The following MAX variants were observed in gnomAD, a reference collection of about 807,000 sequenced individuals.
MAX encodes protein max.
In MAX, 3 loss-of-function variants were observed where a neutral mutation model predicts 22.3. That is an observed-to-expected ratio of 0.13 (90% confidence interval 0.06 to 0.35). The LOEUF (loss-of-function observed/expected upper bound fraction) is 0.35, where lower values mean the gene tolerates loss of function less well. Ranked by LOEUF, MAX falls within the 10% of genes least tolerant of loss-of-function variation. The pLI is 1.00. For synonymous variants in MAX, 72 were observed against 77.7 expected (o/e 0.93, Z 0.39); for missense variants, 119 against 209.4 (o/e 0.57, Z 2.66).
chr14:65,095,649 G>A (rs1358588524), intron 2 of MAX, among the ~76,000 whole-genome samples: 1 of 152,092 alleles, frequency 6.6e-6, no homozygotes. Flanking sequence ...TGCGGCTCCT[G>A]TTTGCTATAT....
intron 3 of MAX, chr14:65,090,233 T>C (rs926400232): frequency 6.6e-6 from 1 of 152,138 alleles, no homozygotes; most frequent in Non-Finnish European, 1.5e-5. Flanking sequence ...TACAAGTATT[T>C]AAGCAAGATT....
At chr14:65,068,133 T>A (rs1218540441) in intron 3 of MAX, among the ~76,000 whole-genome samples, 2 of 152,194 alleles carry the variant, frequency 1.3e-5, no homozygotes, top group Non-Finnish European at 2.9e-5. Flanking sequence ...AGGTAGCTAC[T>A]ATATGCAGTC....
At chr14:65,036,102 G>T (rs2062185240) in intron 3 of MAX, among the ~76,000 whole-genome samples, 1 of 152,044 alleles carries the variant, frequency 6.6e-6, no homozygotes, top group Non-Finnish European at 1.5e-5. Flanking sequence ...CAAAGTGTTG[G>T]AATTACAGGT....
At position 65,075,186 on chromosome 14, in the gene MAX, A is replaced by C; in HGVS notation, c.*1290T>G. The C allele has an allele frequency of 9.6e-7, 1 of 1,040,026 alleles. No homozygotes were observed. The highest frequency in any genetic ancestry group is 1.2e-6 in the Non-Finnish European group (1 of 863,394). The allele number at this position is 1,040,026 out of a possible 1,614,324, so 64.4% of individuals were successfully genotyped here. ...GTAAAGGGGGAAGCCTTAACTTGCA[A>C]GACAATTCTTCGGCAGTATGTACAA... On this transcript the variant is annotated 3_prime_UTR_variant, in exon 5 of 5. Transcript: ENST00000358664. The surrounding 1 kb of genome is among the most constrained non-coding windows in gnomAD (Gnocchi z 4.1).
rs1328698330 is a variant in MAX at position 65,047,173 on chromosome 14, C to G, written c.172-40889G>C. ...ACTGGTAGCGGAGTCTTCCCAAGCCCTCACTGTATGCCAGGGGCTGTACTG... is the reference window on the plus strand; with the variant it reads ...ACTGGTAGCGGAGTCTTCCCAAGCCGTCACTGTATGCCAGGGGCTGTACTG... On this transcript the variant is annotated intron_variant, in intron 3 of 3. Transcript: ENST00000341653. This position sits in a 1 kb window ranked among gnomAD's most constrained non-coding sequence, Gnocchi z 5.2. 6.6e-6 allele frequency among the ~76,000 whole-genome samples: 1 copy of G among 152,224 alleles called. No homozygotes were observed. Among genetic ancestry groups the G allele is most frequent in the East Asian group, 1.9e-4 (1 of 5,200 alleles).
In MAX at chr14:65,027,449, C is replaced by G; in HGVS notation, c.172-21165G>C. Reference sequence around the variant, plus strand: ...TTGTTTTTGCCCTTTGGCTGTGTACCTAGTGTGTGTCAGTTCCTGGAGCTG... The same window carrying G: ...TTGTTTTTGCCCTTTGGCTGTGTACGTAGTGTGTGTCAGTTCCTGGAGCTG... On this transcript the variant is annotated intron_variant, in intron 3 of 3. Transcript: ENST00000341653. The surrounding 1 kb of genome is among the most constrained non-coding windows in gnomAD (Gnocchi z 5.7). 1 of 1,614,064 alleles carries G rather than the reference C, an allele frequency of 6.2e-7. No homozygotes were observed. The highest frequency in any genetic ancestry group is 1.1e-5 in the South Asian group (1 of 91,060).
rs755741582 is a variant in MAX, at chr14:65,027,417, TCTGA to T, written c.172-21137_172-21134del. 2 of 1,611,476 alleles carry T rather than the reference TCTGA, an allele frequency of 1.2e-6. No individual in the cohort carries two copies. Among genetic ancestry groups the T allele is most frequent in the Non-Finnish European group, 1.7e-6 (2 of 1,178,530 alleles). On this transcript the variant is annotated intron_variant, in intron 3 of 3. Transcript: ENST00000341653. The surrounding 1 kb of genome is among the most constrained non-coding windows in gnomAD (Gnocchi z 5.7). ...ATTTGGTGTTTTGACATGAATGCTC[TCTGA>T]CTTTGTTTTTGCCCTTTGGCTGTGT...
intron 3 of MAX, among the ~76,000 whole-genome samples, chr14:65,006,907 T>A (rs563649402): frequency 6.6e-6 from 1 of 151,848 alleles, no homozygotes; most frequent in East Asian, 1.9e-4. Flanking sequence ...AGGAGTGAAA[T>A]CCCCTGATTC....
chr14:65,063,878 G>A (rs1259444193), intron 3 of MAX, among the ~76,000 whole-genome samples: 2 of 152,194 alleles, frequency 1.3e-5, no homozygotes, highest in African/African-American at 4.8e-5. Flanking sequence ...GATTTATTAT[G>A]TGACTCCTTG....
At chr14:65,070,847 A>G (rs543844633), downstream of MAX, among the ~76,000 whole-genome samples, 2 of 152,366 alleles carry the variant, frequency 1.3e-5, no homozygotes, top group African/African-American at 4.8e-5. This position sits in a 1 kb window ranked among gnomAD's most constrained non-coding sequence, Gnocchi z 4.4. Flanking sequence ...CACCTGGCAC[A>G]GTGCCTGCCA....
intron 3 of MAX, among the ~76,000 whole-genome samples, chr14:65,018,837 G>A (rs549525437): frequency 1.5e-4 from 22 of 145,038 alleles, no homozygotes; most frequent in Admixed American, 6.2e-4. Context: ...AAGGCCAGGC[G>A]CGGTGGCTCA....
chr14:65,102,346 C>T lies in MAX; in HGVS notation c.-7G>A, dbSNP rs1209079880. ...TGTCATCGTTATCGCTCATTTCCTA[C>T]GGCCCAGGGAGCGGCCACTGCAGCG... On this transcript the variant is annotated 5_prime_UTR_variant, in exon 1 of 5. Coordinates refer to ENST00000358664, the MANE Select transcript of MAX (RefSeq NM_002382.5). 1 of 1,613,664 alleles carries T rather than the reference C, an allele frequency of 6.2e-7. No individual in the cohort carries two copies. The highest frequency in any genetic ancestry group is 1.7e-5 in the Admixed American group (1 of 60,006).
intron 3 of MAX, chr14:65,040,978 C>T: frequency 1.3e-6 from 2 of 1,592,592 alleles, no homozygotes; most frequent in South Asian, 1.1e-5. Context: ...TGTGATTGTA[C>T]TCAGACATGC....
rs2062102264 is a variant in MAX, at chr14:65,032,283, C to T, written c.172-25999G>A. 4.7e-6 allele frequency: 1 copy of T among 211,730 alleles called. No homozygotes were observed. Among genetic ancestry groups the T allele is most frequent in the South Asian group, 1.2e-4 (1 of 8,584 alleles). 13.1% of individuals were successfully genotyped at this position (211,730 alleles called of 1,614,324 possible). The stretch of plus-strand genomic sequence containing the variant: ...AATGATACCATAGATTTATGGCAAC[C>T]ATTATAGGTCTTTGAAAGAAGAGCT... On this transcript the variant is annotated intron_variant, in intron 3 of 3. Coordinates refer to the MAX transcript ENST00000341653. The surrounding 1 kb of genome is among the most constrained non-coding windows in gnomAD (Gnocchi z 5.0).
chr14:65,061,492 G>A, intron 3 of MAX: 3 of 1,159,338 alleles, frequency 2.6e-6, no homozygotes, highest in Non-Finnish European at 3.5e-6. Flanking sequence ...CACAGTGGCT[G>A]GTTTTAAAAA....
At chr14:65,100,440 C>A (rs1595183937) in intron 2 of MAX, among the ~76,000 whole-genome samples, 1 of 152,078 alleles carries the variant, frequency 6.6e-6, no homozygotes, top group South Asian at 2.1e-4. Flanking sequence ...CAGAGTGAGA[C>A]TCTGTCTCAA....
At chr14:65,037,103 CT>C (rs542635964) in intron 3 of MAX, among the ~76,000 whole-genome samples, 112 of 143,920 alleles carry the variant, frequency 7.8e-4, no homozygotes, top group Admixed American at 1.1e-3. Flanking sequence ...TGTGTTTGCT[CT>C]TTTTTTTTTT....
At chr14:65,073,687 C>T (rs779954899), downstream of MAX, among the ~76,000 whole-genome samples, 1 of 152,204 alleles carries the variant, frequency 6.6e-6, no homozygotes, top group African/African-American at 2.4e-5. Flanking sequence ...GGAATACTCA[C>T]ACTCGCTTCC....
At chr14:65,086,004 G>A (rs1251928646) in intron 3 of MAX, among the ~76,000 whole-genome samples, 1 of 152,156 alleles carries the variant, frequency 6.6e-6, no homozygotes, top group Non-Finnish European at 1.5e-5. Context: ...ATGGGGGTTG[G>A]TCTTTCCCAT....
Sources: allele counts gnomAD v4.1 joint callset (sites outside exome capture counted in the v4.1 genomes callset), GRCh38; gene constraint gnomAD v4.1.1; non-coding constraint Gnocchi (gnomAD v3.1); transcripts MANE v1.5; gene names NCBI Gene and HGNC (gene_info 2026-07-23, HGNC 2026-07-21).